Variants in RPS29 observed in about 807,000 individuals in gnomAD.
RPS29 encodes the protein small ribosomal subunit protein uS14.
For synonymous variants in RPS29, 37 were observed against 26.9 expected (o/e 1.37, Z -1.16); for missense variants, 60 against 75.7 (o/e 0.79, Z 0.77).
intron 2 of RPS29, among the ~76,000 whole-genome samples, chr14:49,578,314 C>T (rs891503357): frequency 6.6e-6 from 1 of 152,136 alleles, no homozygotes; most frequent in Non-Finnish European, 1.5e-5. Flanking sequence ...ACATTATACA[C>T]TGCAGTATCT....
rs1342295031 is a variant in RPS29, at chr14:49,586,272, A to G, written c.62+13T>C. On this transcript the variant is annotated intron_variant, in intron 1 of 2. Coordinates refer to ENST00000245458, the MANE Select transcript of RPS29 (RefSeq NM_001032.5). The stretch of plus-strand genomic sequence containing the variant: ...ACGGCAACGCTTCCCCAAAATCACA[A>G]ACTATTTCTCACCAAGAGCGAGAAC... 17 of 1,613,110 alleles carry G rather than the reference A, an allele frequency of 1.1e-5. No homozygotes were observed. Among genetic ancestry groups the G allele is most frequent in the Non-Finnish European group, 1.4e-5 (17 of 1,179,222 alleles).
rs1325684520 is a variant in RPS29, at chr14:49,585,764, ATTAAT to A, written c.162+181_162+185del. On this transcript the variant is annotated intron_variant, in intron 2 of 2. Transcript: ENST00000245458. ...CTAAGTCCTTCACCTTCTCCATTCTATTAATTTGATTGCCCAAACCATCAACACTG... is the reference window on the plus strand; with the variant it reads ...CTAAGTCCTTCACCTTCTCCATTCTATTGATTGCCCAAACCATCAACACTG... 11 of 585,014 alleles carry A rather than the reference ATTAAT, an allele frequency of 1.9e-5. No individual in the cohort carries two copies. In the East Asian group the frequency reaches 3.1e-4, roughly 16 times the overall value. The allele number at this position is 585,014 out of a possible 1,614,324, so 36.2% of individuals were successfully genotyped here. A position where few individuals can be genotyped will look rare whatever the true frequency, so the allele number is the denominator to read the frequency against.
chr14:49,590,562 T>C (rs1469615774), upstream of RPS29, among the ~76,000 whole-genome samples: 2 of 152,236 alleles, frequency 1.3e-5, no homozygotes, highest in Admixed American at 1.3e-4. Flanking sequence ...ATACTTTTCC[T>C]CTAAACTTTA....
downstream of RPS29, among the ~76,000 whole-genome samples, chr14:49,580,044 C>T (rs1437872229): frequency 1.3e-5 from 2 of 151,838 alleles, no homozygotes; most frequent in African/African-American, 4.9e-5. Context: ...CACTCACTAC[C>T]ACCATGTATA....
chr14:49,590,283 C>A (rs1881683310), upstream of RPS29, among the ~76,000 whole-genome samples: 1 of 152,074 alleles, frequency 6.6e-6, no homozygotes, highest in Admixed American at 6.6e-5. Context: ...CTAGACCAAC[C>A]TGGCCAATAT....
chr14:49,590,078 A>T (rs932819422), upstream of RPS29, among the ~76,000 whole-genome samples: 1 of 152,226 alleles, frequency 6.6e-6, no homozygotes, highest in South Asian at 2.1e-4. Context: ...AAAAGTACCT[A>T]TTAGGTACTA....
At chr14:49,589,848 T>A (rs1289051700), upstream of RPS29, among the ~76,000 whole-genome samples, 4 of 152,224 alleles carry the variant, frequency 2.6e-5, no homozygotes, top group African/African-American at 9.6e-5. Flanking sequence ...CACTATGGAA[T>A]GCTACACAGC....
upstream of RPS29, among the ~76,000 whole-genome samples, chr14:49,590,330 G>A (rs186607706): frequency 1.3e-5 from 2 of 152,176 alleles, no homozygotes; most frequent in African/African-American, 4.8e-5. Flanking sequence ...ACAAAAATTA[G>A]CCAGGCATGG....
intron 1 of RPS29, among the ~76,000 whole-genome samples, chr14:49,593,692 CAAAA>C (rs10647593): frequency 7.8e-4 from 44 of 56,302 alleles, no homozygotes; most frequent in Admixed American, 5.1e-3. Flanking sequence ...GACTCTGTCT[CAAAA>C]AAAAAAAAAA....
downstream of RPS29, among the ~76,000 whole-genome samples, chr14:49,582,012 C>CA (rs58507206): frequency 6.3e-3 from 670 of 106,292 alleles, 1 homozygote; most frequent in East Asian, 0.057. Flanking sequence ...CCCTGCCCCC[C>CA]AAAAAAAAAA....
At chr14:49,572,728 T>G (rs1296594427) in exon 3 of RPS29, 3 of 152,178 alleles carry the variant, frequency 2.0e-5, no homozygotes, top group African/African-American at 7.2e-5. Flanking sequence ...AATCAGATAA[T>G]GAAGTCTCCT....
rs372043433 is a variant in RPS29 at position 49,585,956 on chromosome 14, G to A, written c.156C>T (p.Phe52=). ...CFRQYAKDIG[F]IKLD ...TACGCCTGCAGACGCCTACCTTAAT[G>A]AAACCGATATCCTTCGCGTACTGAC... Residue 52 remains phenylalanine, a synonymous_variant, in exon 2 of 3, where the codon TTC becomes TTT. Transcript: ENST00000245458. The A allele has an allele frequency of 2.0e-5, 32 of 1,613,044 alleles. No homozygotes were observed. Among genetic ancestry groups the A allele is most frequent in the Non-Finnish European group, 2.6e-5 (31 of 1,179,310 alleles).
chr14:49,596,778 CTTTT>C (rs35726560), intron 1 of RPS29, among the ~76,000 whole-genome samples: 19 of 133,918 alleles, frequency 1.4e-4, no homozygotes, highest in Admixed American at 1.5e-4. Context: ...GAGATTGAGG[CTTTT>C]TTTTTTTTTT....
At chr14:49,598,702 C>T (rs1445028895), upstream of RPS29, 9 of 699,752 alleles carry the variant, frequency 1.3e-5, no homozygotes, top group Non-Finnish European at 1.8e-5. Context: ...GAAACAACCA[C>T]CGCTGCCAGC....
At chr14:49,590,852 A>G (rs7152223), upstream of RPS29, among the ~76,000 whole-genome samples, 71,016 of 151,844 alleles carry the variant, frequency 0.47, 17,608 homozygotes, top group Middle Eastern at 0.56. Context: ...CACCACTCCC[A>G]GCTAATTTTT....
chr14:49,587,048 A>C (rs1455253037), upstream of RPS29, among the ~76,000 whole-genome samples: 1 of 152,212 alleles, frequency 6.6e-6, no homozygotes, highest in Non-Finnish European at 1.5e-5. Flanking sequence ...AAAACAACTT[A>C]AAATCAGCTG....
At chr14:49,584,705 T>C (rs1442185673) in intron 2 of RPS29, among the ~76,000 whole-genome samples, 1 of 141,958 alleles carries the variant, frequency 7.0e-6, no homozygotes, top group Non-Finnish European at 1.6e-5. Flanking sequence ...GGGAGGCTAG[T>C]GAGCTGAGAT....
At chr14:49,592,864 C>T (rs1014373353) in intron 1 of RPS29, among the ~76,000 whole-genome samples, 13 of 151,512 alleles carry the variant, frequency 8.6e-5, no homozygotes, top group Non-Finnish European at 1.6e-4. Flanking sequence ...GCCGAGATTG[C>T]GCCACTGCAC....
chr14:49,582,012 C>CAAAAAAAAAAAAAAAA (rs58507206), downstream of RPS29, among the ~76,000 whole-genome samples: 14 of 106,502 alleles, frequency 1.3e-4, no homozygotes, highest in African/African-American at 5.9e-4. Flanking sequence ...CCCTGCCCCC[C>CAAAAAAAAAAAAAAAA]AAAAAAAAAA....
Sources: allele counts gnomAD v4.1 joint callset (sites outside exome capture counted in the v4.1 genomes callset), GRCh38; gene constraint gnomAD v4.1.1; transcripts MANE v1.5; gene names NCBI Gene and HGNC (gene_info 2026-07-23, HGNC 2026-07-21).